Variants in DNAH11 observed in about 807,000 individuals in gnomAD.
DNAH11 encodes dynein axonemal heavy chain 11.
A neutral mutation model predicts 526.0 loss-of-function variants in DNAH11; 442 were observed. The observed-to-expected ratio is 0.84, with a 90% CI of 0.78 to 0.91. The LOEUF (loss-of-function observed/expected upper bound fraction) is 0.91, where lower values mean the gene tolerates loss of function less well. Ranked by LOEUF, DNAH11 falls within the 40% of genes least tolerant of loss-of-function variation. The pLI is 0.00. For synonymous variants in DNAH11, 2,461 were observed against 1,935.9 expected (o/e 1.27, Z -7.12); for missense variants, 6,989 against 5,448.7 (o/e 1.28, Z -8.90).
At chr7:21,722,688 G>C (rs1045070377) in intron 44 of DNAH11, among the ~76,000 whole-genome samples, 8 of 152,104 alleles carry the variant, frequency 5.3e-5, no homozygotes, top group African/African-American at 1.9e-4. Flanking sequence ...AGCCAATACT[G>C]TGTGAGAGTC....
intron 40 of DNAH11, 126 bp downstream of exon 40, chr7:21,707,961 G>A (rs770538737): frequency 3.1e-6 from 3 of 968,288 alleles, no homozygotes; most frequent in Non-Finnish European, 4.4e-6. Flanking sequence ...TGGAAATATA[G>A]CAGATCACAA....
At chr7:21,709,223 C>A (rs527857547) in intron 40 of DNAH11, among the ~76,000 whole-genome samples, 1 of 152,210 alleles carries the variant, frequency 6.6e-6, no homozygotes, top group Non-Finnish European at 1.5e-5. Flanking sequence ...ACATATACAC[C>A]ATGGAATACT....
Position 21,658,842 on chromosome 7 carries a change from G to C in DNAH11, c.5139G>C (p.Thr1713=), listed in dbSNP as rs758984750. The C allele has an allele frequency of 8.1e-6, 13 of 1,602,384 alleles. No homozygotes were observed. Among genetic ancestry groups the C allele is most frequent in the Admixed American group, 5.2e-5 (3 of 58,166 alleles). ...AACTTGAACAGACTATGCAAGAAAC[G>C]GTGCGTCATTCTATAACAGAAGCCA... is the stretch of plus-strand genomic sequence containing the variant. ...LLQLEQTMQE[T]VRHSITEAIV... The change falls in exon 30 of 82, where the codon ACG becomes ACC. Residue 1713 remains threonine, a synonymous_variant. Coordinates refer to ENST00000409508, the MANE Select transcript of DNAH11 (RefSeq NM_001277115.2).
At position 21,681,567 on chromosome 7, in the gene DNAH11, A is replaced by G. The variant is rs764134388; in HGVS notation, c.5350A>G (p.Ile1784Val). The G allele has an allele frequency of 2.2e-5, 35 of 1,613,752 alleles. No homozygotes were observed. Among genetic ancestry groups the G allele is most frequent in the South Asian group, 9.9e-5 (9 of 91,080 alleles). ...KKQISQLNTL[I>V]TLLLGELPPG... ...CTAGATTTCTCAGCTGAATACACTG[A>G]TTACACTTTTGCTGGGAGAACTTCC... The change falls in exon 31 of 82, where the codon ATT (isoleucine) becomes GTT (valine). Residue 1784 changes from isoleucine (I) to valine (V), a missense_variant. Ile to Val is a conservative substitution (Grantham distance 29, BLOSUM62 3). Coordinates refer to ENST00000409508, the MANE Select transcript of DNAH11 (RefSeq NM_001277115.2).
chr7:21,869,056 C>T (rs1783397320), intron 73 of DNAH11, 65 bp downstream of exon 73: 3 of 1,601,240 alleles, frequency 1.9e-6, no homozygotes, highest in Admixed American at 3.5e-5. Flanking sequence ...GCAGAGCTGG[C>T]CCGCCCAACA....
chr7:21,799,176 G>A (rs1432374743), intron 61 of DNAH11, among the ~76,000 whole-genome samples: 1 of 152,078 alleles, frequency 6.6e-6, no homozygotes, highest in Non-Finnish European at 1.5e-5. Context: ...CATAGAGAAG[G>A]TAAATAAATA....
At position 21,681,644 on chromosome 7, in the gene DNAH11, C is replaced by T. The variant is rs372177670; in HGVS notation, c.5427C>T (p.Ala1809=). The stretch of plus-strand genomic sequence containing the variant: ...CAATTTGTACCATAGATGTCCATGC[C>T]AGAGACGTGGTGGCAAAACTTATTT... ...IMTICTIDVH[A]RDVVAKLISQ... Residue 1809 remains alanine, a synonymous_variant, in exon 31 of 82, where the codon GCC becomes GCT. Transcript: ENST00000409508. 13 of 1,613,872 alleles carry T rather than the reference C, an allele frequency of 8.1e-6. No homozygotes were observed. The highest frequency in any genetic ancestry group is 1.1e-5 in the Non-Finnish European group (13 of 1,179,846).
chr7:21,792,677 G>C (rs1011872587), intron 61 of DNAH11, among the ~76,000 whole-genome samples: 20 of 151,960 alleles, frequency 1.3e-4, no homozygotes, highest in Admixed American at 1.2e-3. Flanking sequence ...CAATATGTTG[G>C]CATATACATG....
intron 57 of DNAH11, among the ~76,000 whole-genome samples, chr7:21,783,110 T>C (rs1788024407): frequency 6.6e-6 from 1 of 152,142 alleles, no homozygotes; most frequent in Admixed American, 6.6e-5. Context: ...ACTCCTTCAC[T>C]CACATAAACT....
intron 74 of DNAH11, among the ~76,000 whole-genome samples, chr7:21,875,247 G>T (rs1293349722): frequency 1.3e-5 from 2 of 151,858 alleles, no homozygotes; most frequent in East Asian, 1.9e-4. Context: ...ATAATTTCTG[G>T]CTATTTATGA....
intron 25 of DNAH11, among the ~76,000 whole-genome samples, chr7:21,627,692 A>G (rs1485493237): frequency 6.6e-6 from 1 of 152,136 alleles, no homozygotes; most frequent in Non-Finnish European, 1.5e-5. Context: ...TTTGTAGTAA[A>G]TTTCAAAGAC....
intron 44 of DNAH11, among the ~76,000 whole-genome samples, chr7:21,724,768 A>T (rs1178347209): frequency 6.6e-6 from 1 of 150,728 alleles, no homozygotes; most frequent in Admixed American, 6.6e-5. Context: ...CATCCTATGA[A>T]TATAGGAGTC....
intron 68 of DNAH11, among the ~76,000 whole-genome samples, chr7:21,855,369 T>G (rs1782804754): frequency 6.6e-6 from 1 of 152,196 alleles, no homozygotes. Flanking sequence ...AGGCTCCTAT[T>G]TTGTCTTTGT....
At position 21,582,010 on chromosome 7, in the gene DNAH11, G is replaced by A; in HGVS notation, c.1699G>A (p.Ala567Thr). 1 of 1,608,184 alleles carries A rather than the reference G, an allele frequency of 6.2e-7. No homozygotes were observed. Among genetic ancestry groups the A allele is most frequent in the Non-Finnish European group, 8.5e-7 (1 of 1,174,992 alleles). ...TTTCTTTAACTGCAATGGCTTAGAA[G>A]CTGCATTTAAGGTTAGTTCTGAAGA... The part of the protein sequence containing the change: ...EAFFNCNGLE[A>T]AFKLLTIFGN... Residue 567 changes from alanine to threonine, a missense_variant, in exon 9 of 82, where the codon GCT becomes ACT. Physicochemically the swap from Ala to Thr is moderately conservative, Grantham distance 58 (BLOSUM62 0). Transcript: ENST00000409508.
At chr7:21,571,324 C>T (rs1029119056) in intron 7 of DNAH11, among the ~76,000 whole-genome samples, 10 of 152,054 alleles carry the variant, frequency 6.6e-5, no homozygotes, top group Admixed American at 1.3e-4. Context: ...TCTGTCACCC[C>T]GGCTGAAGTG....
intron 57 of DNAH11, 105 bp downstream of exon 57, chr7:21,779,209 C>T: frequency 7.4e-7 from 1 of 1,360,118 alleles, no homozygotes; most frequent in South Asian, 1.6e-5. Context: ...AGCATAAAGT[C>T]TAAAGAATTA....
chr7:21,617,065 C>G (rs1048328867), intron 22 of DNAH11, among the ~76,000 whole-genome samples: 4 of 152,124 alleles, frequency 2.6e-5, no homozygotes, highest in African/African-American at 9.7e-5. Flanking sequence ...TTATTTCGTG[C>G]TAAGTTCTAG....
At chr7:21,545,274 T>TTAA in intron 2 of DNAH11, 125 bp downstream of exon 2, 1 of 129,858 alleles carries the variant, frequency 7.7e-6, no homozygotes, top group Non-Finnish European at 1.2e-5. Context: ...TGGGGGTGGT[T>TTAA]AAAAAAAAAA....
In DNAH11 at chr7:21,739,667, G is replaced by C. The variant is rs775281356; in HGVS notation, c.7908G>C (p.Arg2636Ser). ...PMVGSFTINP[R>S]LQRHFTVFAF... Reference sequence around the variant, plus strand: ...TGGGCAGCTTCACCATCAATCCCAGGCTACAGGTAGGGTGTTGAATACTGC... The same window carrying C: ...TGGGCAGCTTCACCATCAATCCCAGCCTACAGGTAGGGTGTTGAATACTGC... Residue 2636 changes from arginine to serine, a missense_variant, in exon 48 of 82, where the codon AGG (arginine) becomes AGC (serine). By Grantham distance (110) the Arg-to-Ser change is moderately radical. Coordinates refer to ENST00000409508, the MANE Select transcript of DNAH11 (RefSeq NM_001277115.2). 6.2e-7 allele frequency: 1 copy of C among 1,611,074 alleles called. No homozygotes were observed. The highest frequency in any genetic ancestry group is 8.5e-7 in the Non-Finnish European group (1 of 1,178,258).
Sources: gnomAD v4.1 joint callset for allele counts (sites outside exome capture counted in the v4.1 genomes callset) on GRCh38, gnomAD v4.1.1 for gene constraint, MANE v1.5 for transcripts, NCBI Gene and HGNC (gene_info 2026-07-23, HGNC 2026-07-21) for gene names.